NTRK3: variants seen among roughly 807,000 people sequenced by gnomAD.
The protein encoded by NTRK3 is neurotrophic receptor tyrosine kinase 3.
Under a neutral mutation model 91.7 loss-of-function variants are expected in NTRK3, and 24 were observed. The observed-to-expected ratio is 0.26, with a 90% CI of 0.19 to 0.37. The LOEUF (loss-of-function observed/expected upper bound fraction) is 0.37. Among genes scored for constraint, NTRK3 ranks in the 10% least tolerant of loss-of-function variants. The pLI is 1.00. For missense variants in NTRK3, 880 were observed against 1,068.9 expected, an observed-to-expected ratio of 0.82 and a Z score of 2.46; for synonymous variants, 483 against 404.0, an observed-to-expected ratio of 1.20 and a Z score of -2.34.
At chr15:88,008,896 T>C (rs2076677096) in intron 14 of NTRK3, among the ~76,000 whole-genome samples, 1 of 152,154 alleles carries the variant, frequency 6.6e-6, no homozygotes, top group Admixed American at 6.5e-5. Flanking sequence ...CCATTAGCAG[T>C]AGCTCAGATG....
intron 14 of NTRK3, among the ~76,000 whole-genome samples, chr15:87,974,173 C>A (rs186230393): frequency 6.6e-6 from 1 of 152,102 alleles, no homozygotes; most frequent in African/African-American, 2.4e-5. Flanking sequence ...TGCTGTGCTG[C>A]GGTCACACCT....
intron 17 of NTRK3, among the ~76,000 whole-genome samples, chr15:87,910,717 A>G (rs2067042082): frequency 6.6e-6 from 1 of 152,228 alleles, no homozygotes; most frequent in Non-Finnish European, 1.5e-5. Context: ...CCAATGGAGC[A>G]GGGAAAGAAT....
At position 88,106,939 on chromosome 15, in the gene NTRK3, TA is replaced by T. The variant is rs796587643; in HGVS notation, c.1396+19331del. 1.0e-2 allele frequency among the ~76,000 whole-genome samples: 1,223 copies of T among 122,494 alleles called. 7 individuals carry two copies. The highest frequency in any genetic ancestry group is 0.024 in the African/African-American group (800 of 33,896). 80.4% of individuals were successfully genotyped at this position (122,494 alleles called of 152,430 possible). ...CAGAGCAAGACTCTGTCTCAAAAAG[TA>T]AAAAAAAAAAAAAGTATGGGAATAT... On this transcript the variant is annotated intron_variant, in intron 13 of 18. Coordinates refer to ENST00000394480, the Ensembl canonical transcript of NTRK3.
chr15:88,159,507 T>C (rs1732353376), intron 5 of NTRK3, among the ~76,000 whole-genome samples: 1 of 152,228 alleles, frequency 6.6e-6, no homozygotes, highest in African/African-American at 2.4e-5. Flanking sequence ...ACATTGATGT[T>C]GCTGGTTTGG....
At chr15:87,923,089 A>G (rs561821600) in intron 17 of NTRK3, among the ~76,000 whole-genome samples, 1 of 152,314 alleles carries the variant, frequency 6.6e-6, no homozygotes, top group Admixed American at 6.5e-5. Context: ...GGCTTGGCCT[A>G]TCTTTCCTGA....
intron 6 of NTRK3, among the ~76,000 whole-genome samples, chr15:88,141,534 C>G (rs180699897): frequency 3.2e-4 from 49 of 152,336 alleles, no homozygotes; most frequent in African/African-American, 1.1e-3. Flanking sequence ...TGAACCAGGT[C>G]AGCCTGGTTT....
intron 14 of NTRK3, among the ~76,000 whole-genome samples, chr15:88,001,625 A>G (rs1348874677): frequency 6.6e-6 from 1 of 152,166 alleles, no homozygotes; most frequent in East Asian, 1.9e-4. Context: ...TTTTGGCAAC[A>G]TTGTTGAAAA....
intron 14 of NTRK3, among the ~76,000 whole-genome samples, chr15:87,948,662 T>A (rs1265720410): frequency 6.6e-6 from 1 of 152,158 alleles, no homozygotes; most frequent in African/African-American, 2.4e-5. Context: ...CACTCCAGCC[T>A]GGGCGACAGA....
chr15:88,030,859 C>G (rs1034219476), intron 14 of NTRK3, among the ~76,000 whole-genome samples: 1 of 151,748 alleles, frequency 6.6e-6, no homozygotes, highest in Non-Finnish European at 1.5e-5. Context: ...TGTTTCAACT[C>G]TCATACTATA....
intron 15 of NTRK3, among the ~76,000 whole-genome samples, chr15:87,937,457 A>G (rs1037134938): frequency 6.6e-6 from 1 of 152,182 alleles, no homozygotes; most frequent in Non-Finnish European, 1.5e-5. Context: ...GAGATTCTGC[A>G]CTCAGATTGT....
intron 13 of NTRK3, among the ~76,000 whole-genome samples, chr15:88,120,348 C>A (rs1394013565): frequency 6.6e-6 from 1 of 152,238 alleles, no homozygotes; most frequent in Non-Finnish European, 1.5e-5. Flanking sequence ...TAGGCAACCA[C>A]TTTACTTTAA....
intron 5 of NTRK3, among the ~76,000 whole-genome samples, chr15:88,150,817 C>T (rs554343186): frequency 6.6e-6 from 1 of 152,308 alleles, no homozygotes; most frequent in East Asian, 1.9e-4. Context: ...CAGAGCATGC[C>T]TCTGGCCACC....
exon 19 of NTRK3, chr15:87,861,823 C>T (rs1046402220): frequency 4.9e-6 from 1 of 203,158 alleles, no homozygotes; most frequent in Non-Finnish European, 1.0e-5. Context: ...TGGCCAGTTC[C>T]CTCCTGGGGC....
intron 6 of NTRK3, among the ~76,000 whole-genome samples, chr15:88,139,343 C>A (rs1194432950): frequency 6.6e-6 from 1 of 152,200 alleles, no homozygotes; most frequent in Non-Finnish European, 1.5e-5. Flanking sequence ...CTTTCTGGAC[C>A]ATCAAGGAGA....
At chr15:88,107,422 G>A (rs1189199306) in intron 13 of NTRK3, among the ~76,000 whole-genome samples, 1 of 152,194 alleles carries the variant, frequency 6.6e-6, no homozygotes, top group Non-Finnish European at 1.5e-5. Flanking sequence ...CAGCCTGGGT[G>A]ACAGAGTGAA....
intron 14 of NTRK3, among the ~76,000 whole-genome samples, chr15:88,026,329 A>T (rs1484761948): frequency 2.0e-5 from 3 of 152,208 alleles, no homozygotes; most frequent in Admixed American, 2.0e-4. Context: ...CGATCAAGCC[A>T]GGAAAAGACA....
At chr15:87,961,976 C>T (rs1183247430) in intron 14 of NTRK3, among the ~76,000 whole-genome samples, 1 of 152,252 alleles carries the variant, frequency 6.6e-6, no homozygotes, top group East Asian at 1.9e-4. Context: ...TCCATTGTCC[C>T]TCTCTCGGCC....
intron 17 of NTRK3, among the ~76,000 whole-genome samples, chr15:87,905,663 T>C (rs539511477): frequency 2.0e-5 from 3 of 152,266 alleles, no homozygotes; most frequent in Admixed American, 2.0e-4. Context: ...CAAACTCAAC[T>C]CTTCGCTCAA....
intron 3 of NTRK3, among the ~76,000 whole-genome samples, chr15:88,238,588 C>T (rs551972426): frequency 6.6e-6 from 1 of 152,334 alleles, no homozygotes; most frequent in Admixed American, 6.5e-5. Context: ...TTTTATCTTT[C>T]TGTCTATAAA....
Sources: gnomAD v4.1 joint callset for allele counts (sites outside exome capture counted in the v4.1 genomes callset) on GRCh38, gnomAD v4.1.1 for gene constraint, MANE v1.5 for transcripts, NCBI Gene and HGNC (gene_info 2026-07-23, HGNC 2026-07-21) for gene names.